RBFOX2: variants seen among roughly 807,000 people sequenced by gnomAD.
RBFOX2 encodes RNA binding fox-1 homolog 2.
RBFOX2 carries 10 observed loss-of-function variants against 49.1 expected under a neutral mutation model. The observed-to-expected ratio is 0.20, with a 90% CI of 0.13 to 0.35. RBFOX2 has a LOEUF of 0.35. Among genes scored for constraint, RBFOX2 ranks in the 10% least tolerant of loss-of-function variants. The probability of loss-of-function intolerance (pLI) is 1.00; values close to 1 mark genes in which losing one functional copy is unlikely to be tolerated. For synonymous variants in RBFOX2, 183 were observed against 187.4 expected, an observed-to-expected ratio of 0.98 and a Z score of 0.19; for missense variants, 323 against 486.9, an observed-to-expected ratio of 0.66 and a Z score of 3.17.
upstream of RBFOX2, among the ~76,000 whole-genome samples, chr22:35,963,661 A>G (rs2056389171): frequency 6.6e-6 from 1 of 152,180 alleles, no homozygotes. Context: ...CATTAAGAGC[A>G]CTTATTACGT....
intron 1 of RBFOX2, among the ~76,000 whole-genome samples, chr22:35,991,222 GA>G (rs1488997463): frequency 2.6e-5 from 4 of 152,166 alleles, no homozygotes; most frequent in African/African-American, 9.7e-5. Flanking sequence ...ATGCAGTTAA[GA>G]GGCTGAAGAT....
At position 35,897,739 on chromosome 22, in the gene RBFOX2, C is replaced by A. The variant is rs2048038588; in HGVS notation, c.-34+41108G>T. Reference sequence around the variant, plus strand: ...GGAAACAAGGGGTATAGCACCAAACCAACACATATTTGCAAAATAATTAAG... The same window carrying A: ...GGAAACAAGGGGTATAGCACCAAACAAACACATATTTGCAAAATAATTAAG... On this transcript the variant is annotated intron_variant, in intron 1 of 13. Transcript: ENST00000359369. 9 of 804,062 alleles carry A rather than the reference C, an allele frequency of 1.1e-5. No homozygotes were observed. The East Asian group carries it at 2.2e-4, about 20-fold the overall frequency. 49.8% of individuals were successfully genotyped at this position (804,062 alleles called of 1,614,324 possible). A position where few individuals can be genotyped will look rare whatever the true frequency, so the allele number is the denominator to read the frequency against.
chr22:35,869,789 A>G (rs2044145860), intron 1 of RBFOX2, among the ~76,000 whole-genome samples: 2 of 152,202 alleles, frequency 1.3e-5, no homozygotes, highest in African/African-American at 4.8e-5. Context: ...CAGACTTACC[A>G]AAGTGGAAAT....
intron 1 of RBFOX2, among the ~76,000 whole-genome samples, chr22:35,921,428 T>C (rs1477204792): frequency 6.6e-6 from 1 of 152,216 alleles, no homozygotes; most frequent in Non-Finnish European, 1.5e-5. Flanking sequence ...TAAAGGTAAG[T>C]TCCCAGGTGA....
At chr22:35,955,533 A>T (rs1349366122) in intron 1 of RBFOX2, among the ~76,000 whole-genome samples, 1 of 151,128 alleles carries the variant, frequency 6.6e-6, no homozygotes, top group Non-Finnish European at 1.5e-5. Flanking sequence ...CATGGGAGAT[A>T]ATTTTTCCAT....
intron 1 of RBFOX2, among the ~76,000 whole-genome samples, chr22:35,927,743 A>G (rs1005835772): frequency 1.3e-5 from 2 of 152,122 alleles, no homozygotes; most frequent in African/African-American, 4.8e-5. Context: ...CTCAAGTTAT[A>G]AAGTCCCAAA....
chr22:35,745,689 G>A (rs1932354954), intron 11 of RBFOX2, among the ~76,000 whole-genome samples: 1 of 152,140 alleles, frequency 6.6e-6, no homozygotes, highest in South Asian at 2.1e-4. Context: ...ACTACTCGGG[G>A]CATATTATCA....
Position 35,904,602 on chromosome 22 carries a change from A to C in RBFOX2, c.-34+34245T>G, listed in dbSNP as rs552751674. On this transcript the variant is annotated intron_variant, in intron 1 of 13. Coordinates refer to the RBFOX2 transcript ENST00000359369. ...GCTTTAAAATGCTACACTGTGAAATAATCATAACGTCAATATGAAAAGGCA... is the reference window on the plus strand; with the variant it reads ...GCTTTAAAATGCTACACTGTGAAATCATCATAACGTCAATATGAAAAGGCA... 1.0e-3 allele frequency among the ~76,000 whole-genome samples: 156 copies of C among 152,340 alleles called. 2 individuals carry two copies. Among genetic ancestry groups the C allele is most frequent in the African/African-American group, 3.8e-3 (156 of 41,578 alleles).
intron 1 of RBFOX2, among the ~76,000 whole-genome samples, chr22:36,019,507 A>T (rs2059165016): frequency 1.3e-5 from 2 of 152,258 alleles, no homozygotes; most frequent in African/African-American, 4.8e-5. Context: ...GTTCCTTGAT[A>T]GGCACCTTAA....
intron 1 of RBFOX2, among the ~76,000 whole-genome samples, chr22:35,973,035 G>C (rs1377417576): frequency 2.0e-5 from 3 of 152,232 alleles, no homozygotes; most frequent in Middle Eastern, 3.4e-3. Context: ...AATCGATCAA[G>C]AAGGCCAGAG....
chr22:35,886,024 T>G (rs1471108573), intron 1 of RBFOX2, among the ~76,000 whole-genome samples: 1 of 151,550 alleles, frequency 6.6e-6, no homozygotes. Context: ...ATCCGGCTAA[T>G]TTTTTGTATT....
intron 1 of RBFOX2, among the ~76,000 whole-genome samples, chr22:35,812,249 G>A (rs1174567266): frequency 3.3e-5 from 5 of 150,812 alleles, no homozygotes; most frequent in Admixed American, 2.0e-4. Context: ...GCAACAGAGT[G>A]AGTGAGACTC....
chr22:35,967,593 G>A (rs139192031), intron 1 of RBFOX2, among the ~76,000 whole-genome samples: 3,131 of 152,286 alleles, frequency 0.021, 35 homozygotes, highest in Middle Eastern at 0.031. Context: ...CCTAACCTAA[G>A]TGAATACTAA....
At chr22:35,875,033 G>T in intron 1 of RBFOX2, among the ~76,000 whole-genome samples, 1 of 152,168 alleles carries the variant, frequency 6.6e-6, no homozygotes, top group East Asian at 1.9e-4. Flanking sequence ...TATGCACAAA[G>T]AAGAGGTTGT....
chr22:36,028,568 T>C (rs991444453), exon 1 of RBFOX2: 6 of 685,398 alleles, frequency 8.8e-6, no homozygotes, highest in Middle Eastern at 7.1e-4. Flanking sequence ...GCGAGCGGAC[T>C]CCGCGCCCCT....
At chr22:35,953,636 T>C (rs2055216607) in intron 1 of RBFOX2, among the ~76,000 whole-genome samples, 1 of 152,220 alleles carries the variant, frequency 6.6e-6, no homozygotes, top group African/African-American at 2.4e-5. Flanking sequence ...TGTTCACTTT[T>C]TTAAAAGTTT....
At chr22:35,950,042 T>C (rs2054737935) in intron 1 of RBFOX2, among the ~76,000 whole-genome samples, 1 of 152,114 alleles carries the variant, frequency 6.6e-6, no homozygotes, top group Non-Finnish European at 1.5e-5. Flanking sequence ...TTTATAGTTT[T>C]AGCTCTTATG....
chr22:36,006,353 G>T (rs1049123204), intron 1 of RBFOX2, among the ~76,000 whole-genome samples: 5 of 152,186 alleles, frequency 3.3e-5, no homozygotes, highest in Admixed American at 3.3e-4. Context: ...CAAATAGAGG[G>T]AAAGTTTCTT....
chr22:35,935,488 G>A (rs764032715), intron 1 of RBFOX2, among the ~76,000 whole-genome samples: 6 of 152,096 alleles, frequency 3.9e-5, no homozygotes, highest in Non-Finnish European at 7.4e-5. Context: ...CTTTCCTTCA[G>A]GTGTTTAACT....
Sources: gnomAD v4.1 joint callset for allele counts (sites outside exome capture counted in the v4.1 genomes callset) on GRCh38, gnomAD v4.1.1 for gene constraint, MANE v1.5 for transcripts, NCBI Gene and HGNC (gene_info 2026-07-23, HGNC 2026-07-21) for gene names.